The following APBB2 variants were observed in gnomAD, a reference collection of about 807,000 sequenced individuals.
APBB2 encodes Fe65-like 1.
In APBB2, 38 loss-of-function variants were observed where a neutral mutation model predicts 82.5. The ratio of observed to expected loss-of-function variants is 0.46; its 90% CI spans 0.36 to 0.60. APBB2 has a LOEUF of 0.60. APBB2 is among the 20% of genes least tolerant of loss of function. The pLI, the probability that APBB2 is intolerant of heterozygous loss-of-function variation, is 0.00. For synonymous variants in APBB2, 341 were observed against 368.2 expected, an observed-to-expected ratio of 0.93 and a Z score of 0.85; for missense variants, 772 against 972.3, an observed-to-expected ratio of 0.79 and a Z score of 2.74.
At chr4:41,077,786 T>G (rs1009300926) in intron 3 of APBB2, among the ~76,000 whole-genome samples, 1 of 151,978 alleles carries the variant, frequency 6.6e-6, no homozygotes, top group Non-Finnish European at 1.5e-5. Context: ...AATAAACAGG[T>G]CAATCAAGAA....
chr4:40,900,745 C>T (rs1428875406), intron 10 of APBB2, among the ~76,000 whole-genome samples: 1 of 149,948 alleles, frequency 6.7e-6, no homozygotes, highest in Non-Finnish European at 1.5e-5. Context: ...GTGTGAGTCA[C>T]TGAGCCCGGG....
At chr4:41,079,358 C>T (rs1736718523) in intron 3 of APBB2, among the ~76,000 whole-genome samples, 1 of 152,172 alleles carries the variant, frequency 6.6e-6, no homozygotes, top group South Asian at 2.1e-4. Flanking sequence ...TGATACATTG[C>T]TCCAGGATAC....
intron 2 of APBB2, among the ~76,000 whole-genome samples, chr4:41,128,876 C>T (rs1327396500): frequency 2.0e-5 from 3 of 152,188 alleles, no homozygotes; most frequent in Admixed American, 2.0e-4. Context: ...TCACATCCCT[C>T]CTGAGATCTC....
At chr4:40,881,996 T>C (rs957232082) in intron 12 of APBB2, among the ~76,000 whole-genome samples, 5 of 151,394 alleles carry the variant, frequency 3.3e-5, no homozygotes, top group African/African-American at 1.2e-4. Context: ...TCAGAAAAGC[T>C]TTCCTGACTG....
intron 1 of APBB2, among the ~76,000 whole-genome samples, chr4:41,185,707 AGATTTTCCAT>A (rs1316595604): frequency 1.4e-4 from 21 of 152,024 alleles, no homozygotes; most frequent in Admixed American, 1.4e-3. Flanking sequence ...GATTTAAAAT[AGATTTTCCAT>A]GCCCTATAAC....
At chr4:41,182,680 G>A (rs1771753045) in intron 1 of APBB2, among the ~76,000 whole-genome samples, 1 of 152,166 alleles carries the variant, frequency 6.6e-6, no homozygotes, top group South Asian at 2.1e-4. Flanking sequence ...ATGGCTGGGA[G>A]GCCTCAGGAA....
intron 10 of APBB2, among the ~76,000 whole-genome samples, chr4:40,901,885 C>CT (rs1775390239): frequency 6.7e-6 from 1 of 148,756 alleles, no homozygotes; most frequent in East Asian, 1.9e-4. Context: ...AAGTTCTAAA[C>CT]ACCCTGAAAA....
At chr4:40,991,951 T>C (rs900279057) in intron 6 of APBB2, among the ~76,000 whole-genome samples, 2 of 152,040 alleles carry the variant, frequency 1.3e-5, no homozygotes, top group Admixed American at 1.3e-4. Context: ...ATCAGAACAC[T>C]GCTCTCACTC....
chr4:40,905,335 G>T (rs953546529), intron 10 of APBB2, among the ~76,000 whole-genome samples: 5 of 152,100 alleles, frequency 3.3e-5, no homozygotes, highest in African/African-American at 1.2e-4. Context: ...CAGCGCACAC[G>T]CAATCATACA....
chr4:41,045,363 G>A (rs562964775), intron 4 of APBB2, among the ~76,000 whole-genome samples: 291 of 151,972 alleles, frequency 1.9e-3, no homozygotes, highest in Non-Finnish European at 3.4e-3. Context: ...GCGTGATCTC[G>A]GCTCACTGCA....
chr4:40,924,944 C>G (rs935261577), intron 10 of APBB2, among the ~76,000 whole-genome samples: 3 of 152,182 alleles, frequency 2.0e-5, no homozygotes, highest in Admixed American at 1.3e-4. Context: ...ATTTACATAT[C>G]AAATCATTTT....
chr4:40,815,778 C>G lies in APBB2; in HGVS notation c.*314G>C. ...ATTCCAAGGACGCAGCGTTAGTTCACTAGGAGGGGTGGGGCCACACTCTTC... is the reference window on the plus strand; with the variant it reads ...ATTCCAAGGACGCAGCGTTAGTTCAGTAGGAGGGGTGGGGCCACACTCTTC... On this transcript the variant is annotated 3_prime_UTR_variant, in exon 18 of 18. Coordinates refer to ENST00000508593, the MANE Select transcript of APBB2 (RefSeq NM_004307.2). 3.6e-6 allele frequency: 1 copy of G among 280,036 alleles called. No individual in the cohort carries two copies. Among genetic ancestry groups the G allele is most frequent in the East Asian group, 6.6e-5 (1 of 15,124 alleles). 17.3% of individuals were successfully genotyped at this position (280,036 alleles called of 1,614,324 possible). A position where few individuals can be genotyped will look rare whatever the true frequency, so the allele number is the denominator to read the frequency against.
At chr4:41,126,395 T>C (rs879382684) in intron 2 of APBB2, among the ~76,000 whole-genome samples, 4 of 151,742 alleles carry the variant, frequency 2.6e-5, no homozygotes, top group Admixed American at 1.3e-4. Context: ...AATAAGTAAA[T>C]GAATAAACAA....
chr4:41,004,730 G>A (rs1410924121), intron 6 of APBB2, among the ~76,000 whole-genome samples: 12 of 150,626 alleles, frequency 8.0e-5, no homozygotes, highest in African/African-American at 2.2e-4. Context: ...CTAGCTACTC[G>A]GGAGGCTGAG....
At chr4:41,050,493 T>G (rs1328624731) in intron 4 of APBB2, among the ~76,000 whole-genome samples, 1 of 152,210 alleles carries the variant, frequency 6.6e-6, no homozygotes, top group African/African-American at 2.4e-5. Flanking sequence ...TTTAAGGGGT[T>G]GGAGGACAGG....
chr4:41,027,322 C>G (rs538735839), intron 5 of APBB2, among the ~76,000 whole-genome samples: 1 of 146,946 alleles, frequency 6.8e-6, no homozygotes, highest in Non-Finnish European at 1.5e-5. Flanking sequence ...CTTTTTTGTA[C>G]ATACACACAC....
intron 6 of APBB2, among the ~76,000 whole-genome samples, chr4:40,951,956 G>C (rs193254730): frequency 7.2e-5 from 11 of 152,198 alleles, no homozygotes; most frequent in South Asian, 2.1e-4. Context: ...GAGGCCAAGG[G>C]GGGGTGGATC....
At chr4:41,033,584 TCACACACACACACACACACA>T (rs71915197) in intron 4 of APBB2, among the ~76,000 whole-genome samples, 2 of 130,772 alleles carry the variant, frequency 1.5e-5, no homozygotes, top group Admixed American at 7.8e-5. Context: ...CTTTTTCTCA[TCACACACACACACACACACA>T]CACACACACA....
intron 3 of APBB2, 81 bp from the exon 4 acceptor site, chr4:41,065,754 T>C (rs1414226216): frequency 6.9e-6 from 1 of 144,626 alleles, no homozygotes; most frequent in African/African-American, 2.6e-5. Context: ...TTTTTTTTCA[T>C]TAAAATGCTA....
Sources: allele counts gnomAD v4.1 joint callset (sites outside exome capture counted in the v4.1 genomes callset), GRCh38; gene constraint gnomAD v4.1.1; transcripts MANE v1.5; gene names NCBI Gene and HGNC (gene_info 2026-07-23, HGNC 2026-07-21).